The following SLC20A2 variants were observed in gnomAD, a reference collection of about 807,000 sequenced individuals.
SLC20A2 encodes the protein sodium-dependent phosphate transporter 2.
In SLC20A2, 30 loss-of-function variants were observed where a neutral mutation model predicts 61.0. The ratio of observed to expected loss-of-function variants is 0.49; its 90% CI spans 0.37 to 0.67. The LOEUF (loss-of-function observed/expected upper bound fraction) is 0.67. Ranked by LOEUF, SLC20A2 falls within the 30% of genes least tolerant of loss-of-function variation. The pLI is 0.00. For synonymous variants in SLC20A2, 351 were observed against 353.3 expected (o/e 0.99, Z 0.07); for missense variants, 626 against 866.4 (o/e 0.72, Z 3.48).
intron 1 of SLC20A2, among the ~76,000 whole-genome samples, chr8:42,483,610 C>T (rs1472566977): frequency 6.6e-6 from 1 of 152,218 alleles, no homozygotes; most frequent in East Asian, 1.9e-4. Context: ...AAAGACTCTT[C>T]AACATTTTCT....
chr8:42,485,675 C>T lies in SLC20A2; in HGVS notation c.-264-13021G>A, dbSNP rs554326245. Among the ~76,000 whole-genome samples the T allele has an allele frequency of 5.4e-4, 77 of 142,250 alleles. No homozygotes were observed. The South Asian group carries it at 0.017, about 32-fold the overall frequency. 93.3% of individuals were successfully genotyped at this position (142,250 alleles called of 152,430 possible). Reference sequence around the variant, plus strand: ...AAAAAAAAAAAAAAAAGGCCAGATGCGGTGGCTCACACCTGTAATCCCAGC... The same window carrying T: ...AAAAAAAAAAAAAAAAGGCCAGATGTGGTGGCTCACACCTGTAATCCCAGC... On this transcript the variant is annotated intron_variant, in intron 1 of 10. Transcript: ENST00000520262.
At chr8:42,454,317 C>T (rs984298139) in intron 5 of SLC20A2, among the ~76,000 whole-genome samples, 4 of 152,062 alleles carry the variant, frequency 2.6e-5, no homozygotes, top group Admixed American at 1.3e-4. Context: ...TTGGTATCTA[C>T]GGAGGTCCTA....
At chr8:42,439,402 A>G in intron 7 of SLC20A2, 48 bp downstream of exon 7, 4 of 1,589,152 alleles carry the variant, frequency 2.5e-6, no homozygotes, top group Non-Finnish European at 2.6e-6. Flanking sequence ...CTCCCCAGGG[A>G]ACTTCTCTGT....
intron 1 of SLC20A2, among the ~76,000 whole-genome samples, chr8:42,527,259 C>T (rs1812027290): frequency 6.6e-6 from 1 of 151,698 alleles, no homozygotes; most frequent in African/African-American, 2.4e-5. Flanking sequence ...CAAAAATTAG[C>T]CGGGTGTGGT....
At chr8:42,505,753 C>T (rs773088887), upstream of SLC20A2, among the ~76,000 whole-genome samples, 3 of 151,474 alleles carry the variant, frequency 2.0e-5, no homozygotes, top group South Asian at 2.1e-4. Flanking sequence ...TAGCCGGGCA[C>T]GGTCACACAT....
At chr8:42,488,574 G>A (rs1809238873) in intron 1 of SLC20A2, among the ~76,000 whole-genome samples, 1 of 152,136 alleles carries the variant, frequency 6.6e-6, no homozygotes, top group Non-Finnish European at 1.5e-5. Context: ...AAGTGGAATT[G>A]CTGGATGTGG....
chr8:42,481,304 A>G (rs570083883), intron 1 of SLC20A2, among the ~76,000 whole-genome samples: 23 of 152,316 alleles, frequency 1.5e-4, no homozygotes, highest in South Asian at 4.1e-4. Flanking sequence ...GATTTAAACA[A>G]TGAGTCCCTA....
intron 10 of SLC20A2, among the ~76,000 whole-genome samples, chr8:42,427,753 A>T (rs1476550180): frequency 6.6e-6 from 1 of 152,160 alleles, no homozygotes. Flanking sequence ...GCATGAAGCC[A>T]CTTGCCTTTG....
intron 1 of SLC20A2, among the ~76,000 whole-genome samples, chr8:42,518,088 G>A (rs1586254347): frequency 6.6e-6 from 1 of 152,124 alleles, no homozygotes; most frequent in Non-Finnish European, 1.5e-5. Flanking sequence ...CTACAGGTGC[G>A]TGCCACCACG....
At chr8:42,465,985 C>T (rs1003601565) in intron 2 of SLC20A2, 68 bp from the exon 3 acceptor site, 2 of 1,394,424 alleles carry the variant, frequency 1.4e-6, no homozygotes, top group Non-Finnish European at 1.9e-6. Flanking sequence ...GGGAAGAAAT[C>T]CAAATGTTTT....
In SLC20A2 at chr8:42,417,708, C is replaced by G; in HGVS notation, c.*95G>C. On this transcript the variant is annotated 3_prime_UTR_variant, in exon 11 of 11. Transcript: ENST00000520262. ...GAGCTGGTCATGAGAGAGCCGTGCA[C>G]GGCCAGGATGTGTATGTGCGGCACG... The G allele has an allele frequency of 1.5e-6, 2 of 1,370,424 alleles. No homozygotes were observed. Among genetic ancestry groups the G allele is most frequent in the Non-Finnish European group, 2.0e-6 (2 of 979,314 alleles). 84.9% of individuals were successfully genotyped at this position (1,370,424 alleles called of 1,614,324 possible). A position where few individuals can be genotyped will look rare whatever the true frequency, so the allele number is the denominator to read the frequency against.
chr8:42,488,943 T>G (rs1241764960), intron 1 of SLC20A2, among the ~76,000 whole-genome samples: 1 of 143,430 alleles, frequency 7.0e-6, no homozygotes, highest in Non-Finnish European at 1.5e-5. Flanking sequence ...TTGTTTTTTT[T>G]TTTTTTTTTT....
intron 10 of SLC20A2, among the ~76,000 whole-genome samples, chr8:42,423,421 G>A (rs1160761511): frequency 6.6e-6 from 1 of 151,604 alleles, no homozygotes; most frequent in Non-Finnish European, 1.5e-5. Flanking sequence ...AAACTTCTGG[G>A]CTCAAGCGAT....
intron 1 of SLC20A2, chr8:42,535,046 T>C (rs899707075): frequency 1.3e-5 from 2 of 152,246 alleles, no homozygotes; most frequent in Non-Finnish European, 2.9e-5. Flanking sequence ...TTCAGAACTT[T>C]CTTCTTCAGC....
intron 5 of SLC20A2, among the ~76,000 whole-genome samples, chr8:42,450,129 T>G (rs1805522965): frequency 6.6e-6 from 1 of 152,036 alleles, no homozygotes; most frequent in African/African-American, 2.4e-5. Context: ...ACAACTTAGT[T>G]GAGAAAATAA....
intron 1 of SLC20A2, among the ~76,000 whole-genome samples, chr8:42,488,800 T>A (rs930329700): frequency 6.6e-6 from 1 of 152,190 alleles, no homozygotes; most frequent in Non-Finnish European, 1.5e-5. Flanking sequence ...TCCTGAATAA[T>A]TTGTGATATT....
chr8:42,497,386 T>G (rs1810004380), intron 1 of SLC20A2, among the ~76,000 whole-genome samples: 1 of 152,172 alleles, frequency 6.6e-6, no homozygotes, highest in East Asian at 1.9e-4. Context: ...AAACACAGGC[T>G]GCTGGCCCTA....
At chr8:42,427,465 A>G (rs540154350) in intron 10 of SLC20A2, among the ~76,000 whole-genome samples, 3 of 152,302 alleles carry the variant, frequency 2.0e-5, no homozygotes, top group Admixed American at 1.3e-4. Context: ...TGGGAGTGAC[A>G]GTTCCGCCCC....
intron 1 of SLC20A2, among the ~76,000 whole-genome samples, chr8:42,474,121 A>C (rs1807867973): frequency 6.6e-6 from 1 of 152,186 alleles, no homozygotes; most frequent in Non-Finnish European, 1.5e-5. Flanking sequence ...CAGTGAGCCA[A>C]GATCATGCCA....
Sources: gnomAD v4.1 joint callset for allele counts (sites outside exome capture counted in the v4.1 genomes callset) on GRCh38, gnomAD v4.1.1 for gene constraint, MANE v1.5 for transcripts, NCBI Gene and HGNC (gene_info 2026-07-23, HGNC 2026-07-21) for gene names.